SAMD3: variants seen among roughly 807,000 people sequenced by gnomAD.
SAMD3 encodes the protein sterile alpha motif domain-containing protein 3.
Under a neutral mutation model 58.5 loss-of-function variants are expected in SAMD3, and 63 were observed. The observed-to-expected ratio is 1.08, with a 90% CI of 0.88 to 1.33. SAMD3 has a LOEUF of 1.33. Among genes scored for constraint, SAMD3 ranks in the 40% most tolerant of loss-of-function variants. The pLI is 0.00. For synonymous variants in SAMD3, 220 were observed against 210.3 expected (o/e 1.05, Z -0.40); for missense variants, 604 against 608.4 (o/e 0.99, Z 0.08).
intron 2 of SAMD3, among the ~76,000 whole-genome samples, chr6:130,233,982 G>A (rs1796615377): frequency 6.6e-6 from 1 of 152,188 alleles, no homozygotes; most frequent in Non-Finnish European, 1.5e-5. Flanking sequence ...GAGAATGAAT[G>A]CCAGGTTAAA....
intron 2 of SAMD3, among the ~76,000 whole-genome samples, chr6:130,232,490 C>G (rs1796575009): frequency 6.6e-6 from 1 of 152,142 alleles, no homozygotes; most frequent in South Asian, 2.1e-4. Context: ...CTTGAAAAAC[C>G]AAAATTAAGA....
chr6:130,255,530 C>T (rs923808535), intron 2 of SAMD3, among the ~76,000 whole-genome samples: 8 of 152,122 alleles, frequency 5.3e-5, no homozygotes, highest in South Asian at 2.1e-4. Context: ...ATGAATTGAT[C>T]GCTTTTCTAC....
chr6:130,255,841 T>C (rs554409249), intron 2 of SAMD3, among the ~76,000 whole-genome samples: 39 of 151,498 alleles, frequency 2.6e-4, no homozygotes, highest in African/African-American at 9.0e-4. Context: ...CGGCAACATA[T>C]AGTTGGGTCT....
At chr6:130,361,850 A>T (rs2115047582) in intron 1 of SAMD3, among the ~76,000 whole-genome samples, 1 of 152,270 alleles carries the variant, frequency 6.6e-6, no homozygotes, top group East Asian at 1.9e-4. Context: ...TGCCTGAGAG[A>T]TTTGTTGAAC....
At chr6:130,184,015 T>C in intron 7 of SAMD3, 88 bp downstream of exon 7, 1 of 943,502 alleles carries the variant, frequency 1.1e-6, no homozygotes, top group South Asian at 1.4e-5. Context: ...CAAGAAAAGA[T>C]GGGTGAAGCA....
intron 5 of SAMD3, among the ~76,000 whole-genome samples, chr6:130,189,337 C>G (rs1793314403): frequency 6.6e-6 from 1 of 152,158 alleles, no homozygotes; most frequent in South Asian, 2.1e-4. Context: ...GAAAATGTAG[C>G]CATCTGCAAG....
At chr6:130,298,739 C>T (rs968643) in intron 2 of SAMD3, among the ~76,000 whole-genome samples, 5 of 152,102 alleles carry the variant, frequency 3.3e-5, no homozygotes, top group African/African-American at 1.2e-4. Flanking sequence ...AGAGACCTAT[C>T]TTATGTGTAA....
At chr6:130,157,344 A>T (rs967035149) in intron 8 of SAMD3, among the ~76,000 whole-genome samples, 7 of 148,420 alleles carry the variant, frequency 4.7e-5, no homozygotes, top group East Asian at 2.0e-4. Context: ...GAGCTAACAT[A>T]TTTTTTTTTT....
chr6:130,189,527 G>C (rs560684902), intron 5 of SAMD3, among the ~76,000 whole-genome samples: 1 of 152,136 alleles, frequency 6.6e-6, no homozygotes, highest in Admixed American at 6.5e-5. Flanking sequence ...TACTGTACCC[G>C]TTTCTGTTAG....
chr6:130,351,859 TAC>T (rs1777680618), intron 1 of SAMD3, among the ~76,000 whole-genome samples: 1 of 152,092 alleles, frequency 6.6e-6, no homozygotes, highest in Non-Finnish European at 1.5e-5. Flanking sequence ...GTGGCACATA[TAC>T]ACCATGGAAT....
intron 9 of SAMD3, among the ~76,000 whole-genome samples, chr6:130,152,993 G>C (rs977186911): frequency 3.3e-5 from 5 of 152,094 alleles, no homozygotes; most frequent in African/African-American, 1.2e-4. Flanking sequence ...CTCCAATGAA[G>C]ACCCCTAAGG....
chr6:130,205,105 CTAG>C (rs1419747416), intron 5 of SAMD3, among the ~76,000 whole-genome samples: 1 of 145,562 alleles, frequency 6.9e-6, no homozygotes, highest in East Asian at 2.0e-4. Flanking sequence ...CTTTGGATTT[CTAG>C]CCTGTTATGG....
intron 5 of SAMD3, among the ~76,000 whole-genome samples, chr6:130,185,627 A>AGTT (rs768062843): frequency 4.2e-5 from 6 of 142,862 alleles, no homozygotes; most frequent in Non-Finnish European, 3.0e-5. Context: ...GCATCTGCCC[A>AGTT]ATTTTTTTTT....
intron 1 of SAMD3, among the ~76,000 whole-genome samples, chr6:130,362,140 G>A (rs1423156831): frequency 6.6e-6 from 1 of 152,220 alleles, no homozygotes; most frequent in African/African-American, 2.4e-5. Context: ...GCTGATATAA[G>A]CAGAGCACCA....
intron 1 of SAMD3, among the ~76,000 whole-genome samples, chr6:130,340,781 T>C (rs988148560): frequency 1.1e-4 from 17 of 152,248 alleles, no homozygotes; most frequent in Admixed American, 6.5e-5. Context: ...TTTTGAGACT[T>C]TCTTCACAAA....
intron 2 of SAMD3, among the ~76,000 whole-genome samples, chr6:130,252,625 C>A (rs1172529172): frequency 6.6e-6 from 1 of 152,166 alleles, no homozygotes; most frequent in Non-Finnish European, 1.5e-5. Flanking sequence ...TTTGTTACAA[C>A]ACTAGCTAAG....
intron 5 of SAMD3, among the ~76,000 whole-genome samples, chr6:130,190,671 T>TA (rs146640863): frequency 5.3e-5 from 8 of 151,054 alleles, no homozygotes; most frequent in African/African-American, 1.2e-4. Flanking sequence ...GAAAAGAGAT[T>TA]AAAAAAAAAT....
chr6:130,325,014 A>G (rs941007275), intron 1 of SAMD3, among the ~76,000 whole-genome samples: 1 of 152,034 alleles, frequency 6.6e-6, no homozygotes, highest in Non-Finnish European at 1.5e-5. Context: ...ATATCAGTGG[A>G]GCCTTAAATG....
chr6:130,323,794 C>T (rs1439630875), intron 1 of SAMD3, among the ~76,000 whole-genome samples: 47 of 100,280 alleles, frequency 4.7e-4, no homozygotes, highest in Non-Finnish European at 6.9e-5. Context: ...CAGAGGTAGA[C>T]TCTGTCTCAA....
Sources: gnomAD v4.1 joint callset for allele counts (sites outside exome capture counted in the v4.1 genomes callset) on GRCh38, gnomAD v4.1.1 for gene constraint, MANE v1.5 for transcripts, NCBI Gene and HGNC (gene_info 2026-07-23, HGNC 2026-07-21) for gene names.